CDH23: variants seen among roughly 807,000 people sequenced by gnomAD.
CDH23 encodes cadherin related 23.
A neutral mutation model predicts 317.1 loss-of-function variants in CDH23; 189 were observed. The ratio of observed to expected loss-of-function variants is 0.60; its 90% CI spans 0.53 to 0.67. CDH23 has a LOEUF of 0.67. Ranked by LOEUF, CDH23 falls within the 30% of genes least tolerant of loss-of-function variation. The pLI is 0.00. For synonymous variants in CDH23, 1,839 were observed against 1,876.8 expected (o/e 0.98, Z 0.52); for missense variants, 4,401 against 4,592.4 (o/e 0.96, Z 1.20).
chr10:71,774,528 G>A (rs540407707), intron 38 of CDH23, among the ~76,000 whole-genome samples: 24 of 152,364 alleles, frequency 1.6e-4, no homozygotes, highest in African/African-American at 5.5e-4. Flanking sequence ...GCCCTCCAGA[G>A]CGAAACTACA....
chr10:71,512,218 C>G (rs915039456), intron 6 of CDH23: 1 of 152,180 alleles, frequency 6.6e-6, no homozygotes, highest in African/African-American at 2.4e-5. Context: ...TCGAGGGTGA[C>G]GAGATCTTGC....
In CDH23 at chr10:71,508,800, C is replaced by A. The variant is rs180808342; in HGVS notation, c.146-1282C>A. Among the ~76,000 whole-genome samples the A allele has an allele frequency of 4.6e-5, 7 of 152,302 alleles. 1 individual carries two copies. The East Asian group carries it at 1.4e-3, about 29-fold the overall frequency. ...AGAGGAAGACTATAGACATTGTCTT[C>A]GGAAAATGACGCGCTGTACACTTAT... On this transcript the variant is annotated intron_variant, in intron 3 of 69. Transcript: ENST00000224721.
intron 6 of CDH23, among the ~76,000 whole-genome samples, chr10:71,562,737 A>C (rs1421642247): frequency 6.6e-6 from 1 of 152,226 alleles, no homozygotes; most frequent in Non-Finnish European, 1.5e-5. Flanking sequence ...TGGGACAGCC[A>C]GGGTGGGAGG....
At position 71,705,189 on chromosome 10, in the gene CDH23, G is replaced by A. The variant is rs1865740266; in HGVS notation, c.2953+59G>A. 6.0e-6 allele frequency: 9 copies of A among 1,499,062 alleles called. No homozygotes were observed. In the Admixed American group the frequency reaches 1.8e-4, roughly 30 times the overall value. The allele number at this position is 1,499,062 out of a possible 1,614,324, so 92.9% of individuals were successfully genotyped here. On this transcript the variant is annotated intron_variant, in intron 25 of 69. Transcript: ENST00000224721. ...AGTGTGTGGGCACAGGCCTGGGTCA[G>A]GGGCAGGGGTAGAGGGGAGCCCATG...
At chr10:71,793,758 T>C (rs1411612859) in intron 48 of CDH23, 118 bp downstream of exon 48, 2 of 768,350 alleles carry the variant, frequency 2.6e-6, no homozygotes, top group Non-Finnish European at 4.1e-6. Flanking sequence ...TACTCTCTTC[T>C]CTCCCCCTCC....
Position 71,425,371 on chromosome 10 carries a change from AGAAG to A in CDH23, c.-5-14417_-5-14414del, listed in dbSNP as rs71012285. 9.4e-3 allele frequency among the ~76,000 whole-genome samples: 776 copies of A among 82,484 alleles called. 6 individuals are homozygous for A. Among genetic ancestry groups the A allele is most frequent in the African/African-American group, 0.02 (422 of 21,140 alleles). The allele number at this position is 82,484 out of a possible 152,430, so 54.1% of individuals were successfully genotyped here. On this transcript the variant is annotated intron_variant, in intron 1 of 69. Coordinates refer to ENST00000224721, the MANE Select transcript of CDH23 (RefSeq NM_022124.6). ...AGTGGGGCAGAGAGAAAGAGAGAGG[AGAAG>A]GAAGGAAGGAAGGAAGGAAGGAAGG...
chr10:71,482,803 C>G (rs948673703), intron 3 of CDH23, among the ~76,000 whole-genome samples: 1 of 152,146 alleles, frequency 6.6e-6, no homozygotes, highest in African/African-American at 2.4e-5. Context: ...GTCAGGTGCC[C>G]GAGTTGAGCG....
chr10:71,718,193 G>A (rs537351714), intron 28 of CDH23, among the ~76,000 whole-genome samples: 70 of 152,222 alleles, frequency 4.6e-4, no homozygotes, highest in African/African-American at 1.5e-3. Flanking sequence ...GTCAGGTCAC[G>A]CTCAGAGAAA....
rs376538879 is a variant in CDH23, at chr10:71,777,688, G to A, written c.4854G>A (p.Thr1618=). ...DEGTPTLSAT[T]HVYVTIVDEN... is the part of the protein sequence containing the mutation. ...CCCACTCTTTTCCACAGGCCACCAC[G>A]CACGTGTACGTGACCATTGTGGATG... is the stretch of plus-strand genomic sequence containing the variant. The change falls in exon 39 of 70, where the codon ACG becomes ACA. Residue 1618 remains threonine, a synonymous_variant. Coordinates refer to ENST00000224721, the MANE Select transcript of CDH23 (RefSeq NM_022124.6). The A allele has an allele frequency of 2.2e-5, 36 of 1,610,720 alleles. No homozygotes were observed. The highest frequency in any genetic ancestry group is 8.9e-5 in the East Asian group (4 of 44,790).
At chr10:71,479,457 C>T (rs1166837930) in intron 3 of CDH23, among the ~76,000 whole-genome samples, 2 of 152,116 alleles carry the variant, frequency 1.3e-5, no homozygotes, top group African/African-American at 4.8e-5. Context: ...CCAAGGTGAG[C>T]CTGTCCATCT....
chr10:71,599,533 G>T (rs1860078932), intron 9 of CDH23, among the ~76,000 whole-genome samples: 1 of 152,216 alleles, frequency 6.6e-6, no homozygotes. Flanking sequence ...TGGTAGTGTT[G>T]TGGGGGGTGA....
At chr10:71,575,584 C>T (rs1261864555) in intron 8 of CDH23, among the ~76,000 whole-genome samples, 1 of 152,164 alleles carries the variant, frequency 6.6e-6, no homozygotes, top group Non-Finnish European at 1.5e-5. Flanking sequence ...CTCTCGGAGG[C>T]GTCCTACTCC....
chr10:71,691,197 TCA>T (rs1294193376), intron 20 of CDH23, among the ~76,000 whole-genome samples: 2 of 152,262 alleles, frequency 1.3e-5, no homozygotes, highest in Non-Finnish European at 2.9e-5. Context: ...TGTACATTCC[TCA>T]GTTTTCTCTC....
chr10:71,412,957 C>A (rs1269876102), intron 1 of CDH23, among the ~76,000 whole-genome samples: 1 of 152,104 alleles, frequency 6.6e-6, no homozygotes, highest in Non-Finnish European at 1.5e-5. Context: ...AGATAGTGTG[C>A]TTTGATGCAG....
intron 9 of CDH23, among the ~76,000 whole-genome samples, chr10:71,611,045 G>C (rs1050264639): frequency 4.0e-5 from 6 of 151,796 alleles, no homozygotes; most frequent in African/African-American, 7.3e-5. Context: ...CAGATGAAAG[G>C]CTTCCCTGGT....
chr10:71,503,473 T>C (rs1853456853), intron 3 of CDH23, among the ~76,000 whole-genome samples: 1 of 152,256 alleles, frequency 6.6e-6, no homozygotes. Flanking sequence ...TGTCTTTTCC[T>C]AACACCTCTG....
At chr10:71,723,590 G>A (rs149530038) in intron 28 of CDH23, among the ~76,000 whole-genome samples, 28 of 152,290 alleles carry the variant, frequency 1.8e-4, no homozygotes, top group Non-Finnish European at 3.4e-4. Flanking sequence ...GTACAGTGCC[G>A]GCTGGGACCC....
At chr10:71,812,443 T>TTCCCA in intron 66 of CDH23, 37 bp from the exon 67 acceptor site, 17 of 1,537,958 alleles carry the variant, frequency 1.1e-5, no homozygotes, top group Non-Finnish European at 1.2e-5. Flanking sequence ...ACTCGAGCCT[T>TTCCCA]CCCTCCCTCC....
At chr10:71,538,247 C>T (rs1262138510) in intron 6 of CDH23, among the ~76,000 whole-genome samples, 1 of 152,194 alleles carries the variant, frequency 6.6e-6, no homozygotes, top group Non-Finnish European at 1.5e-5. Flanking sequence ...CTGAGAACTT[C>T]TCACAGTCTC....
Sources: allele counts gnomAD v4.1 joint callset (sites outside exome capture counted in the v4.1 genomes callset), GRCh38; gene constraint gnomAD v4.1.1; transcripts MANE v1.5; gene names NCBI Gene and HGNC (gene_info 2026-07-23, HGNC 2026-07-21).